The following ESR2 variants were observed in gnomAD, a reference collection of about 807,000 sequenced individuals.
ESR2 encodes estrogen receptor 2, also known as estrogen receptor beta.
In ESR2, 36 loss-of-function variants were observed where a neutral mutation model predicts 49.6. The ratio of observed to expected loss-of-function variants is 0.73; its 90% CI spans 0.56 to 0.96. The LOEUF is 0.96. Ranked by LOEUF, ESR2 falls within the 40% of genes least tolerant of loss-of-function variation. The probability of loss-of-function intolerance (pLI) is 0.00; values close to 1 mark genes in which losing one functional copy is unlikely to be tolerated. For missense variants in ESR2, 714 were observed against 693.0 expected, an observed-to-expected ratio of 1.03 and a Z score of -0.34; for synonymous variants, 320 against 266.1, an observed-to-expected ratio of 1.20 and a Z score of -1.97.
At chr14:64,271,187 A>G (rs2076438544) in intron 3 of ESR2, among the ~76,000 whole-genome samples, 1 of 148,520 alleles carries the variant, frequency 6.7e-6, no homozygotes. Context: ...ACTCACTGCA[A>G]CCTCCACCTC....
intron 1 of ESR2, among the ~76,000 whole-genome samples, chr14:64,290,754 A>G (rs969443148): frequency 1.3e-5 from 2 of 152,194 alleles, no homozygotes; most frequent in Admixed American, 6.5e-5. Flanking sequence ...AATTAATTTA[A>G]TATTAGGAAG....
intron 1 of ESR2, among the ~76,000 whole-genome samples, chr14:64,283,320 AC>A (rs1567776695): frequency 6.6e-6 from 1 of 152,198 alleles, no homozygotes; most frequent in African/African-American, 2.4e-5. Context: ...GAGTTTAATC[AC>A]GAAAATTTAT....
intron 7 of ESR2, among the ~76,000 whole-genome samples, chr14:64,245,456 G>A (rs2075830772): frequency 1.4e-5 from 2 of 140,710 alleles, no homozygotes; most frequent in South Asian, 4.6e-4. Flanking sequence ...AGGTTGCAGT[G>A]AGCCAAGATC....
At chr14:64,251,433 A>ACT (rs1306975682) in intron 6 of ESR2, among the ~76,000 whole-genome samples, 1 of 148,026 alleles carries the variant, frequency 6.8e-6, no homozygotes, top group East Asian at 2.2e-4. Context: ...ACACACACTC[A>ACT]CACACACCCC....
rs954527519 is a variant in ESR2 at position 64,291,956 on chromosome 14, T to C, written c.-91+2077A>G. 1.2e-4 allele frequency among the ~76,000 whole-genome samples: 18 copies of C among 152,296 alleles called. No individual in the cohort carries two copies. The East Asian group carries it at 3.1e-3, about 26-fold the overall frequency. On this transcript the variant is annotated intron_variant, in intron 1 of 8. Coordinates refer to ENST00000341099, the MANE Select transcript of ESR2 (RefSeq NM_001437.3). ...GATTATAAAAGAATGATGCATTCTA[T>C]TAATATGATATAAATAACTTTTAAT...
intron 1 of ESR2, among the ~76,000 whole-genome samples, chr14:64,292,396 T>A (rs2076887290): frequency 1.3e-5 from 2 of 152,204 alleles, no homozygotes; most frequent in Admixed American, 1.3e-4. Flanking sequence ...CGGTGCTGGT[T>A]ACATGACTGT....
upstream of ESR2, among the ~76,000 whole-genome samples, chr14:64,299,371 T>C (rs2076996355): frequency 6.6e-6 from 1 of 151,364 alleles, no homozygotes; most frequent in South Asian, 2.1e-4. Context: ...AGCAACTAAC[T>C]CTCCAGTGAT....
intron 1 of ESR2, among the ~76,000 whole-genome samples, chr14:64,310,317 A>ATTATTATTATT (rs1567795803): frequency 2.0e-5 from 3 of 148,888 alleles, no homozygotes; most frequent in African/African-American, 7.4e-5. Flanking sequence ...TAATAATAAT[A>ATTATTATTATT]ATTCTGGGTG....
chr14:64,259,628 C>T (rs2076171258), intron 5 of ESR2, among the ~76,000 whole-genome samples: 1 of 152,166 alleles, frequency 6.6e-6, no homozygotes, highest in South Asian at 2.1e-4. Flanking sequence ...GAAGTGATCA[C>T]TTTGGAGGAT....
At chr14:64,332,955 C>A (rs912768985) in intron 1 of ESR2, among the ~76,000 whole-genome samples, 1 of 148,658 alleles carries the variant, frequency 6.7e-6, no homozygotes, top group Non-Finnish European at 1.5e-5. Flanking sequence ...CAGCTCACTG[C>A]AAGCTCTGCC....
At chr14:64,234,835 A>G in intron 8 of ESR2, 135 bp downstream of exon 8, 1 of 1,473,664 alleles carries the variant, frequency 6.8e-7, no homozygotes, top group Non-Finnish European at 9.0e-7. Context: ...AGGTGTGTGA[A>G]CTGACAAATT....
chr14:64,324,032 A>G (rs2077359486), intron 1 of ESR2, among the ~76,000 whole-genome samples: 1 of 152,204 alleles, frequency 6.6e-6, no homozygotes, highest in African/African-American at 2.4e-5. Flanking sequence ...TTCAATAAGT[A>G]TTGAATAAAT....
At chr14:64,285,112 G>A (rs569610173) in intron 1 of ESR2, among the ~76,000 whole-genome samples, 50 of 152,234 alleles carry the variant, frequency 3.3e-4, no homozygotes, top group Admixed American at 2.9e-3. Context: ...GCCTCCCAAA[G>A]TGCTGGGATT....
chr14:64,257,536 G>T, intron 5 of ESR2, 172 bp from the exon 6 acceptor site: 1 of 788,930 alleles, frequency 1.3e-6, no homozygotes, highest in Non-Finnish European at 2.0e-6. Flanking sequence ...TTGAAGTTAA[G>T]CTGCGCAACT....
At position 64,260,430 on chromosome 14, in the gene ESR2, G is replaced by GAT; in HGVS notation, c.952+17_952+18dup. On this transcript the variant is annotated intron_variant, in intron 5 of 8. Coordinates refer to ENST00000341099, the MANE Select transcript of ESR2 (RefSeq NM_001437.3). The stretch of plus-strand genomic sequence containing the variant: ...CCTTTCTACAAGTACATGGAAAACT[G>GAT]ATAGCCAGAAAGCCCTACCGGGAAT... 1 of 1,522,942 alleles carries GAT rather than the reference G, an allele frequency of 6.6e-7. No individual in the cohort carries two copies. The highest frequency in any genetic ancestry group is 8.8e-7 in the Non-Finnish European group (1 of 1,136,572). 94.3% of individuals were successfully genotyped at this position (1,522,942 alleles called of 1,614,324 possible).
chr14:64,279,819 A>C lies in ESR2; in HGVS notation c.535+162T>G, dbSNP rs545456325. 3.5e-3 allele frequency among the ~76,000 whole-genome samples: 527 copies of C among 152,220 alleles called. 2 individuals carry two copies. The highest frequency in any genetic ancestry group is 0.012 in the African/African-American group (496 of 41,508). On this transcript the variant is annotated intron_variant, in intron 3 of 8. Coordinates refer to ENST00000341099, the MANE Select transcript of ESR2 (RefSeq NM_001437.3). ...GGGTAGAAATCTGCAATTCCACCCC[A>C]CCACCCAACCCACTTCCAAACACAC...
At chr14:64,267,745 G>A (rs1043998518) in intron 4 of ESR2, among the ~76,000 whole-genome samples, 2 of 151,584 alleles carry the variant, frequency 1.3e-5, no homozygotes, top group Admixed American at 6.6e-5. Flanking sequence ...TTAGCCAGGC[G>A]TGGTGGTGGG....
chr14:64,248,558 G>A (rs1298061776), intron 7 of ESR2, among the ~76,000 whole-genome samples: 1 of 150,072 alleles, frequency 6.7e-6, no homozygotes, highest in African/African-American at 2.5e-5. Flanking sequence ...GGTCACCAAA[G>A]TTATGGTGGT....
At position 64,327,201 on chromosome 14, in the gene ESR2, T is replaced by C. The variant is rs539630618; in HGVS notation, c.-91+10697A>G. On this transcript the variant is annotated intron_variant, in intron 1 of 8. Transcript: ENST00000358599. ...AATAGACTGAAAGATATGAGTAGAC[T>C]AAAGTAATTCAAACAATTTTCAAAT... Among the ~76,000 whole-genome samples the C allele has an allele frequency of 9.2e-5, 14 of 152,294 alleles. No individual in the cohort carries two copies. In the East Asian group the frequency reaches 2.7e-3, roughly 29 times the overall value.
Sources: gnomAD v4.1 joint callset for allele counts (sites outside exome capture counted in the v4.1 genomes callset) on GRCh38, gnomAD v4.1.1 for gene constraint, MANE v1.5 for transcripts, NCBI Gene and HGNC (gene_info 2026-07-23, HGNC 2026-07-21) for gene names.